The following NAA15 variants were observed in gnomAD, a reference collection of about 807,000 sequenced individuals.
NAA15 encodes the protein N-alpha-acetyltransferase 15, NatA auxiliary subunit, also known as N-terminal acetyltransferase.
A neutral mutation model predicts 114.0 loss-of-function variants in NAA15; 34 were observed. That is an observed-to-expected ratio of 0.30 (90% CI 0.23 to 0.40). The LOEUF (loss-of-function observed/expected upper bound fraction) is 0.40, where lower values mean the gene tolerates loss of function less well. Among genes scored for constraint, NAA15 ranks in the 10% least tolerant of loss-of-function variants. The pLI is 1.00. For synonymous variants in NAA15, 340 were observed against 338.0 expected, an observed-to-expected ratio of 1.01 and a Z score of -0.06; for missense variants, 658 against 1,004.5, an observed-to-expected ratio of 0.66 and a Z score of 4.66.
rs72939494 is a variant in NAA15 at position 139,351,699 on chromosome 4, G to A, written c.1014+88G>A. 686 of 632,308 alleles carry A rather than the reference G, an allele frequency of 1.1e-3. 4 individuals are homozygous for A. In the African/African-American group the frequency reaches 0.012, roughly 11 times the overall value. The allele number at this position is 632,308 out of a possible 1,614,324, so 39.2% of individuals were successfully genotyped here. On this transcript the variant is annotated intron_variant, in intron 9 of 19. Transcript: ENST00000296543. The stretch of plus-strand genomic sequence containing the variant: ...GATTCTTGATTATCTCTGCACAGTA[G>A]TACGTGTTTTGTGAATCTCATGTCA...
At position 139,301,936 on chromosome 4, in the gene NAA15, C is replaced by G. The variant is rs1038442398; in HGVS notation, c.54+105C>G. 16 of 1,261,104 alleles carry G rather than the reference C, an allele frequency of 1.3e-5. No homozygotes were observed. The Middle Eastern group carries it at 1.4e-3, about 113-fold the overall frequency. The allele number at this position is 1,261,104 out of a possible 1,614,324, so 78.1% of individuals were successfully genotyped here. On this transcript the variant is annotated intron_variant, in intron 1 of 19. Coordinates refer to ENST00000296543, the MANE Select transcript of NAA15 (RefSeq NM_057175.5). The stretch of plus-strand genomic sequence containing the variant: ...GGCACTGAGCCACTCCCGCCCGGGA[C>G]CCCGCCTTCATAGCTCTCGTCAGGC...
chr4:139,359,265 A>G (rs374848862), intron 11 of NAA15, among the ~76,000 whole-genome samples: 81 of 152,004 alleles, frequency 5.3e-4, no homozygotes, highest in Admixed American at 1.9e-3. Context: ...AGTAGCTGGG[A>G]TTACAGGCAT....
chr4:139,309,581 C>T (rs1027749944), intron 1 of NAA15, among the ~76,000 whole-genome samples: 1 of 151,820 alleles, frequency 6.6e-6, no homozygotes, highest in South Asian at 2.1e-4. Context: ...GGCCTGTTTG[C>T]TTACTTTTTA....
At chr4:139,345,082 A>G (rs941667263) in intron 6 of NAA15, among the ~76,000 whole-genome samples, 1 of 152,236 alleles carries the variant, frequency 6.6e-6, no homozygotes, top group African/African-American at 2.4e-5. Flanking sequence ...TGCTGGTTTC[A>G]CATTCCCTTG....
At chr4:139,339,121 T>C (rs2110906885) in intron 3 of NAA15, among the ~76,000 whole-genome samples, 1 of 152,310 alleles carries the variant, frequency 6.6e-6, no homozygotes, top group East Asian at 1.9e-4. Context: ...AGATTGAAGT[T>C]TGAGCTTGAT....
chr4:139,302,059 G>C, intron 1 of NAA15: 1 of 430,948 alleles, frequency 2.3e-6, no homozygotes, highest in East Asian at 3.6e-5. Flanking sequence ...TGAGGCCCTG[G>C]TTCCGGACTA....
At chr4:139,378,369 G>A (rs2110993800) in intron 16 of NAA15, among the ~76,000 whole-genome samples, 1 of 152,274 alleles carries the variant, frequency 6.6e-6, no homozygotes, top group Non-Finnish European at 1.5e-5. Flanking sequence ...CAGAAGGGAA[G>A]CTGTTTCACA....
chr4:139,381,147 A>G lies in NAA15; in HGVS notation c.2155+2293A>G, dbSNP rs189661517. Among the ~76,000 whole-genome samples the G allele has an allele frequency of 4.3e-4, 65 of 152,294 alleles. No homozygotes were observed. In the East Asian group the frequency reaches 0.012, roughly 27 times the overall value. On this transcript the variant is annotated intron_variant, in intron 17 of 19. Transcript: ENST00000296543. The stretch of plus-strand genomic sequence containing the variant: ...TCTAGAATATGTTGTTATACTAACA[A>G]TGTTATTACTAAATGCTGCATGCAG...
At chr4:139,379,658 A>G (rs566873859) in intron 17 of NAA15, among the ~76,000 whole-genome samples, 1 of 152,330 alleles carries the variant, frequency 6.6e-6, no homozygotes, top group African/African-American at 2.4e-5. Context: ...AAATACTATT[A>G]ACTATCACAT....
At chr4:139,345,586 C>T (rs1380624555) in intron 6 of NAA15, among the ~76,000 whole-genome samples, 5 of 152,098 alleles carry the variant, frequency 3.3e-5, no homozygotes, top group African/African-American at 1.2e-4. Flanking sequence ...TTCTGAGCTT[C>T]TGGAAGAAGG....
At position 139,376,468 on chromosome 4, in the gene NAA15, G is replaced by A. The variant is rs1219495624; in HGVS notation, c.2051G>A (p.Arg684Lys). 1 of 1,594,926 alleles carries A rather than the reference G, an allele frequency of 6.3e-7. No individual in the cohort carries two copies. Among genetic ancestry groups the A allele is most frequent in the Non-Finnish European group, 8.6e-7 (1 of 1,162,888 alleles). Residue 684 changes from arginine to lysine, a missense_variant, in exon 16 of 20, where the codon AGG becomes AAG. Arg to Lys is a conservative substitution (Grantham distance 26, BLOSUM62 2). Transcript: ENST00000296543. ...CTTTTTGCCTTTGAGATTTACTTTAGGAAAGGTAGGCAATTAGGGTACAGT... is the reference window on the plus strand; with the variant it reads ...CTTTTTGCCTTTGAGATTTACTTTAAGAAAGGTAGGCAATTAGGGTACAGT... ...THLFAFEIYF[R>K]KEKFLLMLQS...
intron 1 of NAA15, among the ~76,000 whole-genome samples, chr4:139,321,681 C>A (rs1453648066): frequency 2.2e-5 from 3 of 137,896 alleles, no homozygotes; most frequent in African/African-American, 8.2e-5. Context: ...GATGGGGTTT[C>A]ACTGTGTTAG....
intron 1 of NAA15, among the ~76,000 whole-genome samples, chr4:139,311,278 C>G (rs574228281): frequency 7.9e-5 from 12 of 152,034 alleles, no homozygotes; most frequent in South Asian, 2.1e-4. Context: ...GTTAATGGCT[C>G]TATTCACATT....
intron 1 of NAA15, among the ~76,000 whole-genome samples, chr4:139,329,433 C>A (rs1220352700): frequency 6.6e-6 from 1 of 152,060 alleles, no homozygotes; most frequent in East Asian, 1.9e-4. Context: ...CTAAATTTAA[C>A]TGTCTTTAAA....
At chr4:139,379,632 A>C (rs1748685474) in intron 17 of NAA15, among the ~76,000 whole-genome samples, 1 of 152,076 alleles carries the variant, frequency 6.6e-6, no homozygotes, top group African/African-American at 2.4e-5. Context: ...TTAACAGAAT[A>C]ATCTATAGAA....
chr4:139,352,147 C>T (rs934693368), intron 9 of NAA15, among the ~76,000 whole-genome samples: 69 of 152,050 alleles, frequency 4.5e-4, no homozygotes, highest in Admixed American at 3.9e-4. Flanking sequence ...CTTGCTCTGT[C>T]ACCCAAGCTG....
intron 8 of NAA15, 49 bp downstream of exon 8, chr4:139,351,335 G>GT (rs1372587837): frequency 2.2e-6 from 3 of 1,382,966 alleles, no homozygotes; most frequent in South Asian, 1.2e-5. Context: ...ATGATTTAAA[G>GT]TTTCTTTTCT....
intron 9 of NAA15, among the ~76,000 whole-genome samples, chr4:139,353,736 G>T (rs1314682029): frequency 6.6e-6 from 1 of 152,136 alleles, no homozygotes; most frequent in African/African-American, 2.4e-5. Flanking sequence ...AAAGAATCAA[G>T]ATATAAATCA....
chr4:139,335,755 C>T (rs558342559), intron 2 of NAA15, among the ~76,000 whole-genome samples: 7 of 150,908 alleles, frequency 4.6e-5, no homozygotes, highest in African/African-American at 1.7e-4. Context: ...GTCATAATTT[C>T]ATTGAAAGTT....
Sources: allele counts gnomAD v4.1 joint callset (sites outside exome capture counted in the v4.1 genomes callset), GRCh38; gene constraint gnomAD v4.1.1; transcripts MANE v1.5; gene names NCBI Gene and HGNC (gene_info 2026-07-23, HGNC 2026-07-21).